ATRN: variants seen among roughly 807,000 people sequenced by gnomAD.
ATRN encodes the protein attractin-2.
A neutral mutation model predicts 178.7 loss-of-function variants in ATRN; 54 were observed. The observed-to-expected ratio is 0.30, with a 90% confidence interval of 0.24 to 0.38. ATRN has a LOEUF of 0.38. Ranked by LOEUF, ATRN falls within the 10% of genes least tolerant of loss-of-function variation. The probability of loss-of-function intolerance (pLI) is 1.00; values close to 1 mark genes in which losing one functional copy is unlikely to be tolerated. For synonymous variants in ATRN, 636 were observed against 663.0 expected (o/e 0.96, Z 0.63); for missense variants, 1,443 against 1,815.1 (o/e 0.79, Z 3.73).
chr20:3,488,393 A>G (rs756826628), intron 1 of ATRN, among the ~76,000 whole-genome samples: 3 of 151,888 alleles, frequency 2.0e-5, no homozygotes, highest in Admixed American at 2.0e-4. Context: ...TTAGAGACAC[A>G]TTTATTTGCT....
chr20:3,498,498 T>A (rs2084911612), intron 1 of ATRN, among the ~76,000 whole-genome samples: 1 of 151,866 alleles, frequency 6.6e-6, no homozygotes, highest in South Asian at 2.1e-4. Context: ...TCAAGTGGGC[T>A]TCATCCCTGG....
At chr20:3,626,949 G>A (rs2086946322) in intron 25 of ATRN, among the ~76,000 whole-genome samples, 1 of 151,820 alleles carries the variant, frequency 6.6e-6, no homozygotes, top group South Asian at 2.1e-4. Flanking sequence ...ACCACGCATG[G>A]CTAATTTTTG....
intron 1 of ATRN, among the ~76,000 whole-genome samples, chr20:3,512,475 T>C (rs1166161764): frequency 6.6e-6 from 1 of 152,162 alleles, no homozygotes; most frequent in Non-Finnish European, 1.5e-5. Flanking sequence ...CCACAGTGTA[T>C]ATGTGCCACA....
chr20:3,516,764 G>T (rs1386468868), intron 1 of ATRN, among the ~76,000 whole-genome samples: 1 of 152,070 alleles, frequency 6.6e-6, no homozygotes, highest in Non-Finnish European at 1.5e-5. Context: ...GTGTTAGTTT[G>T]CTGAGAATGA....
intron 24 of ATRN, among the ~76,000 whole-genome samples, chr20:3,620,094 C>T (rs995316342): frequency 8.5e-5 from 13 of 152,140 alleles, no homozygotes; most frequent in African/African-American, 3.1e-4. Context: ...CATCTCCCTC[C>T]CACTCCCCAA....
At chr20:3,640,742 T>C (rs2087061344) in intron 27 of ATRN, among the ~76,000 whole-genome samples, 2 of 152,376 alleles carry the variant, frequency 1.3e-5, no homozygotes, top group Admixed American at 1.3e-4. Context: ...GAATTATATA[T>C]GATCTGGCAA....
intron 19 of ATRN, among the ~76,000 whole-genome samples, chr20:3,591,645 C>T (rs186918197): frequency 1.2e-3 from 177 of 152,258 alleles, no homozygotes; most frequent in African/African-American, 4.0e-3. Context: ...TCAGCTCAGA[C>T]ATGGGAGTCT....
chr20:3,539,492 A>G (rs1327461495), intron 2 of ATRN, among the ~76,000 whole-genome samples: 1 of 149,456 alleles, frequency 6.7e-6, no homozygotes, highest in Non-Finnish European at 1.5e-5. Flanking sequence ...ACAGAAAGAG[A>G]ATTTTGGAAA....
At chr20:3,510,425 TTATCTG>T (rs1394675342) in intron 1 of ATRN, among the ~76,000 whole-genome samples, 5 of 152,192 alleles carry the variant, frequency 3.3e-5, no homozygotes, top group African/African-American at 1.2e-4. Flanking sequence ...CAGGAAAACT[TTATCTG>T]TATAAGCAGA....
chr20:3,502,327 A>G (rs1445185436), intron 1 of ATRN, among the ~76,000 whole-genome samples: 1 of 152,166 alleles, frequency 6.6e-6, no homozygotes, highest in Non-Finnish European at 1.5e-5. Context: ...GTACAACTCT[A>G]AATCTTGGAA....
rs551920629 is a variant in ATRN, at chr20:3,584,501, T to C, written c.2951-146T>C. On this transcript the variant is annotated intron_variant, in intron 17 of 28. Coordinates refer to ENST00000262919, the MANE Select transcript of ATRN (RefSeq NM_139321.3). ...TTATGTATTGGGCAAAATACTGGGC[T>C]CTTTACATTCATTATCTCTTTTAAA... 186 of 668,938 alleles carry C rather than the reference T, an allele frequency of 2.8e-4. 3 individuals carry two copies. Among genetic ancestry groups the C allele is most frequent in the South Asian group, 2.3e-3 (117 of 50,114 alleles). The allele number at this position is 668,938 out of a possible 1,614,324, so 41.4% of individuals were successfully genotyped here.
intron 1 of ATRN, among the ~76,000 whole-genome samples, chr20:3,497,526 G>C (rs1600033293): frequency 6.6e-6 from 1 of 152,174 alleles, no homozygotes; most frequent in African/African-American, 2.4e-5. Flanking sequence ...TCTGCTGAGA[G>C]ATCAGCTGTT....
At chr20:3,631,361 T>G (rs913658905) in intron 25 of ATRN, among the ~76,000 whole-genome samples, 31 of 151,992 alleles carry the variant, frequency 2.0e-4, no homozygotes, top group Admixed American at 1.3e-4. Flanking sequence ...AGAACAAAAG[T>G]CGGGGGGAAA....
At chr20:3,549,607 A>G (rs915684990) in intron 6 of ATRN, among the ~76,000 whole-genome samples, 1 of 152,214 alleles carries the variant, frequency 6.6e-6, no homozygotes, top group African/African-American at 2.4e-5. Flanking sequence ...TAAGTTCTAT[A>G]TAAGTAGGGG....
intron 1 of ATRN, among the ~76,000 whole-genome samples, chr20:3,493,711 T>C (rs896941805): frequency 6.6e-6 from 1 of 152,204 alleles, no homozygotes; most frequent in African/African-American, 2.4e-5. Flanking sequence ...TCTGAGGGGA[T>C]AGAGTCAGTG....
intron 7 of ATRN, 86 bp downstream of exon 7, chr20:3,559,569 T>A: frequency 1.8e-6 from 2 of 1,135,452 alleles, no homozygotes; most frequent in Non-Finnish European, 2.6e-6. Context: ...GCTACCTCAG[T>A]GTTGGTTTTT....
In ATRN at chr20:3,519,967, A is replaced by G. The variant is rs138533685; in HGVS notation, c.411-15286A>G. On this transcript the variant is annotated intron_variant, in intron 1 of 28. Transcript: ENST00000262919. ...TTAAGGATCTATATAAATTCAGAGTATACCACTCAAGTATCCTATTTGAGG... is the reference window on the plus strand; with the variant it reads ...TTAAGGATCTATATAAATTCAGAGTGTACCACTCAAGTATCCTATTTGAGG... Among the ~76,000 whole-genome samples the G allele has an allele frequency of 4.5e-3, 689 of 152,352 alleles. 3 individuals carry two copies. The highest frequency in any genetic ancestry group is 0.016 in the South Asian group (78 of 4,822).
chr20:3,626,359 A>G (rs1472677364), intron 25 of ATRN, among the ~76,000 whole-genome samples: 1 of 151,888 alleles, frequency 6.6e-6, no homozygotes, highest in African/African-American at 2.4e-5. Flanking sequence ...TAGTGCTGTT[A>G]TAATTCCCAC....
intron 24 of ATRN, among the ~76,000 whole-genome samples, chr20:3,613,920 C>A (rs2086802500): frequency 6.6e-6 from 1 of 151,994 alleles, no homozygotes; most frequent in Admixed American, 6.6e-5. Context: ...AAATCTAATT[C>A]TCTAGTTGGA....
Sources: gnomAD v4.1 joint callset for allele counts (sites outside exome capture counted in the v4.1 genomes callset) on GRCh38, gnomAD v4.1.1 for gene constraint, MANE v1.5 for transcripts, NCBI Gene and HGNC (gene_info 2026-07-23, HGNC 2026-07-21) for gene names.